The following CACNA2D1 variants were observed in gnomAD, a reference collection of about 807,000 sequenced individuals.
The protein encoded by CACNA2D1 is calcium voltage-gated channel auxiliary subunit alpha2delta 1.
A neutral mutation model predicts 171.5 loss-of-function variants in CACNA2D1; 53 were observed. The ratio of observed to expected loss-of-function variants is 0.31; its 90% CI spans 0.25 to 0.39. CACNA2D1 has a LOEUF of 0.39. Among genes scored for constraint, CACNA2D1 ranks in the 10% least tolerant of loss-of-function variants. The probability of loss-of-function intolerance (pLI) is 1.00; values close to 1 mark genes in which losing one functional copy is unlikely to be tolerated. For synonymous variants in CACNA2D1, 442 were observed against 443.1 expected (o/e 1.00, Z 0.03); for missense variants, 903 against 1,299.8 (o/e 0.69, Z 4.69).
chr7:82,173,643 A>C (rs1796269093), intron 3 of CACNA2D1, among the ~76,000 whole-genome samples: 1 of 151,990 alleles, frequency 6.6e-6, no homozygotes, highest in Non-Finnish European at 1.5e-5. Flanking sequence ...GAAAACCGAC[A>C]TGTCTTCTAG....
intron 6 of CACNA2D1, among the ~76,000 whole-genome samples, chr7:82,110,094 T>A (rs1000124677): frequency 6.6e-6 from 1 of 152,322 alleles, no homozygotes. Flanking sequence ...TTATGCCTAT[T>A]CTTATCAACA....
intron 6 of CACNA2D1, among the ~76,000 whole-genome samples, chr7:82,116,503 T>G (rs917123967): frequency 6.6e-6 from 1 of 152,200 alleles, no homozygotes; most frequent in Non-Finnish European, 1.5e-5. Context: ...CAAGCACTTC[T>G]TTTGGCTGGA....
chr7:82,351,802 T>C (rs1044776756), intron 1 of CACNA2D1, among the ~76,000 whole-genome samples: 18 of 152,274 alleles, frequency 1.2e-4, no homozygotes, highest in African/African-American at 3.8e-4. Context: ...CAAAAACCAT[T>C]GATCCAGTAA....
chr7:81,971,210 G>A, intron 26 of CACNA2D1: 1 of 181,892 alleles, frequency 5.5e-6, no homozygotes, highest in Admixed American at 5.5e-5. Flanking sequence ...CATTTTAGGA[G>A]TTAGATTCTG....
At chr7:82,099,605 A>G (rs1247872699) in intron 6 of CACNA2D1, among the ~76,000 whole-genome samples, 1 of 108,474 alleles carries the variant, frequency 9.2e-6, no homozygotes, top group Non-Finnish European at 2.0e-5. Context: ...GCCCGCCACT[A>G]CGCCCGGCTA....
chr7:81,952,552 C>CAAAT (rs1483944635), intron 38 of CACNA2D1, among the ~76,000 whole-genome samples: 1 of 152,082 alleles, frequency 6.6e-6, no homozygotes, highest in Non-Finnish European at 1.5e-5. Flanking sequence ...AAGCATTTGA[C>CAAAT]AAATATATGA....
chr7:82,104,005 T>C (rs1813013761), intron 6 of CACNA2D1, among the ~76,000 whole-genome samples: 1 of 152,020 alleles, frequency 6.6e-6, no homozygotes, highest in Non-Finnish European at 1.5e-5. Context: ...AATTTTCAGG[T>C]TTTGTCTATT....
At chr7:82,420,009 C>G (rs969878888) in intron 1 of CACNA2D1, among the ~76,000 whole-genome samples, 2 of 152,258 alleles carry the variant, frequency 1.3e-5, no homozygotes, top group African/African-American at 2.4e-5. Context: ...TTGCACAGGA[C>G]AGCGCCCCCC....
At chr7:82,032,000 T>C (rs993805531) in intron 12 of CACNA2D1, among the ~76,000 whole-genome samples, 2 of 151,978 alleles carry the variant, frequency 1.3e-5, no homozygotes, top group Non-Finnish European at 2.9e-5. Flanking sequence ...TCATTAGCAT[T>C]TTAGGAAACC....
intron 3 of CACNA2D1, among the ~76,000 whole-genome samples, chr7:82,287,309 A>G (rs6971664): frequency 0.08 from 12,203 of 151,722 alleles, 1,644 homozygotes; most frequent in African/African-American, 0.28. Context: ...TCCAAAAACA[A>G]ATTTCTTAGT....
intron 3 of CACNA2D1, among the ~76,000 whole-genome samples, chr7:82,212,562 C>T (rs1320311587): frequency 1.3e-5 from 2 of 152,114 alleles, no homozygotes; most frequent in African/African-American, 4.8e-5. Flanking sequence ...GGAAATTCAG[C>T]CTGGGAATAA....
intron 1 of CACNA2D1, among the ~76,000 whole-genome samples, chr7:82,433,763 G>A (rs997648812): frequency 7.9e-5 from 12 of 152,188 alleles, no homozygotes; most frequent in Non-Finnish European, 1.2e-4. Flanking sequence ...TCTCACCAGA[G>A]CCTTTTTCTG....
At chr7:81,958,100 AAAG>A (rs1306256079) in intron 38 of CACNA2D1, among the ~76,000 whole-genome samples, 8 of 145,634 alleles carry the variant, frequency 5.5e-5, no homozygotes, top group African/African-American at 2.3e-4. Flanking sequence ...TATATCTTAA[AAAG>A]AAAAAAAAAA....
intron 3 of CACNA2D1, among the ~76,000 whole-genome samples, chr7:82,332,561 A>G (rs189145339): frequency 7.1e-6 from 1 of 140,450 alleles, no homozygotes; most frequent in African/African-American, 2.6e-5. Flanking sequence ...AAAGAAAGAA[A>G]GAAAGAACGA....
At chr7:82,290,142 T>C (rs1271233768) in intron 3 of CACNA2D1, among the ~76,000 whole-genome samples, 1 of 152,178 alleles carries the variant, frequency 6.6e-6, no homozygotes, top group African/African-American at 2.4e-5. Flanking sequence ...ACCACAGTTA[T>C]GTTTGCACCA....
At chr7:82,311,064 AAT>A (rs1241872314) in intron 3 of CACNA2D1, among the ~76,000 whole-genome samples, 1 of 152,112 alleles carries the variant, frequency 6.6e-6, no homozygotes, top group Non-Finnish European at 1.5e-5. Context: ...TGTATAAATT[AAT>A]ATGTGTCCAA....
chr7:82,279,370 T>C (rs1406184032), intron 3 of CACNA2D1, among the ~76,000 whole-genome samples: 1 of 152,188 alleles, frequency 6.6e-6, no homozygotes, highest in Non-Finnish European at 1.5e-5. Context: ...AGCCCACTTC[T>C]GAACAGTTGG....
chr7:82,039,099 C>T (rs1430391331), intron 10 of CACNA2D1, among the ~76,000 whole-genome samples: 1 of 152,068 alleles, frequency 6.6e-6, no homozygotes, highest in Non-Finnish European at 1.5e-5. Context: ...GGCACCTAAA[C>T]TGTCACATCT....
intron 7 of CACNA2D1, among the ~76,000 whole-genome samples, chr7:82,067,034 G>A (rs1053869780): frequency 6.6e-6 from 1 of 152,070 alleles, no homozygotes; most frequent in East Asian, 1.9e-4. Context: ...TCCATAGAAA[G>A]CTGTTTTCTT....
Sources: allele counts gnomAD v4.1 joint callset (sites outside exome capture counted in the v4.1 genomes callset), GRCh38; gene constraint gnomAD v4.1.1; transcripts MANE v1.5; gene names NCBI Gene and HGNC (gene_info 2026-07-23, HGNC 2026-07-21).